The following ARID4A variants were observed in gnomAD, a reference collection of about 807,000 sequenced individuals.
ARID4A encodes the protein AT-rich interaction domain 4A.
ARID4A carries 39 observed loss-of-function variants against 148.6 expected under a neutral mutation model. That is an observed-to-expected ratio of 0.26 (90% confidence interval 0.20 to 0.34). ARID4A has a LOEUF of 0.34. Ranked by LOEUF, ARID4A falls within the 10% of genes least tolerant of loss-of-function variation. The pLI is 1.00. For missense variants in ARID4A, 1,265 were observed against 1,449.1 expected, an observed-to-expected ratio of 0.87 and a Z score of 2.06; for synonymous variants, 475 against 481.2, an observed-to-expected ratio of 0.99 and a Z score of 0.17.
chr14:58,339,006 T>C (rs1478276627), intron 11 of ARID4A, among the ~76,000 whole-genome samples: 3 of 137,200 alleles, frequency 2.2e-5, no homozygotes, highest in African/African-American at 8.3e-5. Context: ...TTACTCTGCC[T>C]CTCAGGCTGG....
chr14:58,320,488 C>A (rs999178033), intron 7 of ARID4A, among the ~76,000 whole-genome samples: 6 of 152,056 alleles, frequency 3.9e-5, no homozygotes, highest in African/African-American at 1.4e-4. Context: ...CCCCCAGTTC[C>A]CCTGATTACA....
At chr14:58,371,625 GT>G (rs1365813911) in intron 23 of ARID4A, among the ~76,000 whole-genome samples, 5 of 152,084 alleles carry the variant, frequency 3.3e-5, no homozygotes, top group Admixed American at 3.3e-4. Flanking sequence ...CCAACTAGAG[GT>G]TTAAGAGTTT....
Position 58,365,548 on chromosome 14 carries a change from G to A in ARID4A, c.3242G>A (p.Gly1081Glu). Residue 1081 changes from glycine (G) to glutamate (E), a missense_variant, in exon 21 of 24, where the codon GGA becomes GAA. Physicochemically the swap from Gly to Glu is moderately conservative, Grantham distance 98. This residue lies in a region of ARID4A where 666 missense variants were observed against 730.9 expected (regional missense o/e 0.91). Coordinates refer to ENST00000355431, the MANE Select transcript of ARID4A (RefSeq NM_002892.4). ...AAGAGGCCAAGTGATGGAAATAGTG[G>A]ATTAATGGCAAAAAAGCAAAAGCGT... The part of the protein sequence containing the change: ...GQKRPSDGNS[G>E]LMAKKQKRTP... 6.2e-7 allele frequency: 1 copy of A among 1,600,458 alleles called. No homozygotes were observed. Among genetic ancestry groups the A allele is most frequent in the Non-Finnish European group, 8.5e-7 (1 of 1,174,882 alleles).
intron 12 of ARID4A, among the ~76,000 whole-genome samples, chr14:58,345,087 G>A (rs576416349): frequency 4.0e-5 from 6 of 151,710 alleles, no homozygotes; most frequent in South Asian, 4.2e-4. Flanking sequence ...CCATATTGCC[G>A]AGGCTGGTCT....
In ARID4A at chr14:58,305,952, A is replaced by T. The variant is rs1019631010; in HGVS notation, c.184-70A>T. 3 of 1,051,140 alleles carry T rather than the reference A, an allele frequency of 2.9e-6. No homozygotes were observed. In the South Asian group the frequency reaches 3.8e-5, roughly 13 times the overall value. 65.1% of individuals were successfully genotyped at this position (1,051,140 alleles called of 1,614,324 possible). ...GGTGTTTATTTTTCTTAGCTAGATT[A>T]TATAGTTGGTGGGAGTGATTTGGTT... is the stretch of plus-strand genomic sequence containing the variant. On this transcript the variant is annotated intron_variant, in intron 4 of 23. Transcript: ENST00000355431.
At chr14:58,326,921 T>C (rs1160314923) in intron 8 of ARID4A, among the ~76,000 whole-genome samples, 1 of 152,194 alleles carries the variant, frequency 6.6e-6, no homozygotes, top group Non-Finnish European at 1.5e-5. Flanking sequence ...TATCTTTTTA[T>C]GTTTGCCCCT....
intron 13 of ARID4A, among the ~76,000 whole-genome samples, 185 bp from the exon 14 acceptor site, chr14:58,346,835 G>A (rs2034388097): frequency 6.8e-6 from 1 of 146,836 alleles, no homozygotes; most frequent in Non-Finnish European, 1.5e-5. Context: ...AGCTGAGGTG[G>A]GAGGATCACT....
rs75915529 is a variant in ARID4A at position 58,299,664 on chromosome 14, C to T, written c.-57-134C>T. 1.1e-3 allele frequency: 752 copies of T among 699,572 alleles called. 5 individuals carry two copies. The African/African-American group carries it at 0.011, about 10-fold the overall frequency. 43.3% of individuals were successfully genotyped at this position (699,572 alleles called of 1,614,324 possible). A position where few individuals can be genotyped will look rare whatever the true frequency, so the allele number is the denominator to read the frequency against. On this transcript the variant is annotated intron_variant, in intron 1 of 23. Coordinates refer to ENST00000355431, the MANE Select transcript of ARID4A (RefSeq NM_002892.4). Reference sequence around the variant, plus strand: ...CCCTCAGCTCCTGCGTCCTGGCTGCCCTCGTAAGGGGTCTTGTCCCTTGGC... The same window carrying T: ...CCCTCAGCTCCTGCGTCCTGGCTGCTCTCGTAAGGGGTCTTGTCCCTTGGC...
chr14:58,313,512 G>A (rs1377608040), intron 5 of ARID4A, among the ~76,000 whole-genome samples: 2 of 152,106 alleles, frequency 1.3e-5, no homozygotes, highest in African/African-American at 2.4e-5. Flanking sequence ...TGTCCGGTCC[G>A]GTTACCAACA....
intron 11 of ARID4A, among the ~76,000 whole-genome samples, chr14:58,332,944 A>G (rs2033615043): frequency 6.6e-6 from 1 of 152,132 alleles, no homozygotes; most frequent in Non-Finnish European, 1.5e-5. Flanking sequence ...CTGCAGTGTT[A>G]ATGGGCAGTG....
intron 11 of ARID4A, among the ~76,000 whole-genome samples, chr14:58,337,398 C>T (rs967297688): frequency 6.6e-6 from 1 of 151,356 alleles, no homozygotes; most frequent in Non-Finnish European, 1.5e-5. Flanking sequence ...CTTTTCCTAC[C>T]AGTATATATA....
intron 11 of ARID4A, among the ~76,000 whole-genome samples, chr14:58,333,736 A>T (rs547178734): frequency 6.6e-6 from 1 of 152,218 alleles, no homozygotes; most frequent in Admixed American, 6.5e-5. Flanking sequence ...ATTTGTGCAT[A>T]TTTATGCCTT....
intron 17 of ARID4A, among the ~76,000 whole-genome samples, chr14:58,356,698 G>GATTTTTTTTTTTTTTTTTTTTTT (rs2034881441): frequency 7.0e-6 from 1 of 143,234 alleles, no homozygotes; most frequent in Non-Finnish European, 1.5e-5. Flanking sequence ...TTTGAATTTT[G>GATTTTTTTTTTTTTTTTTTTTTT]ATTTTTTTTT....
In ARID4A at chr14:58,351,317, A is replaced by C. The variant is rs1281706380; in HGVS notation, c.1649A>C (p.Gln550Pro). 6.3e-7 allele frequency: 1 copy of C among 1,599,066 alleles called. No homozygotes were observed. The highest frequency in any genetic ancestry group is 1.1e-5 in the South Asian group (1 of 87,370). Residue 550 changes from glutamine (Q) to proline (P), a missense_variant, in exon 16 of 24, where the codon CAA (glutamine) becomes CCA (proline). Gln to Pro is a moderately conservative substitution (Grantham distance 76). Around this residue, in one of 9 missense-constraint regions of ARID4A, gnomAD observed 205 missense variants for 196.9 expected, o/e 1.04. Coordinates refer to ENST00000355431, the MANE Select transcript of ARID4A (RefSeq NM_002892.4). The stretch of plus-strand genomic sequence containing the variant: ...TCAGATGAAGAGGAAGAGAAAAGCC[A>C]AGAGAGGTACATTATCTTATGTTTG... ...KDSDEEEEKSQEREETESKCD... is the reference protein window; with the variant it reads ...KDSDEEEEKSPEREETESKCD...
At chr14:58,360,778 A>C in intron 18 of ARID4A, 123 bp from the exon 19 acceptor site, 1 of 989,262 alleles carries the variant, frequency 1.0e-6, no homozygotes, top group Non-Finnish European at 1.5e-6. Context: ...CTGTAAGCAC[A>C]GACTAGGAAG....
intron 5 of ARID4A, among the ~76,000 whole-genome samples, chr14:58,311,995 A>G (rs571963994): frequency 3.8e-4 from 58 of 152,248 alleles, no homozygotes; most frequent in South Asian, 8.3e-4. Context: ...GTTAGAAGGA[A>G]TAAGTTCAAG....
chr14:58,369,212 G>A (rs534943802), intron 23 of ARID4A, among the ~76,000 whole-genome samples: 1 of 152,142 alleles, frequency 6.6e-6, no homozygotes, highest in Non-Finnish European at 1.5e-5. Flanking sequence ...TGTCATCAAA[G>A]ATATTTTTAA....
At chr14:58,359,107 C>CTTTT (rs752553814) in intron 17 of ARID4A, 25 bp from the exon 18 acceptor site, 455 of 1,298,238 alleles carry the variant, frequency 3.5e-4, no homozygotes, top group South Asian at 1.2e-3. Flanking sequence ...TGTACAAACT[C>CTTTT]TTTTTTTTTT....
Position 58,304,980 on chromosome 14 carries a change from C to T in ARID4A, c.154C>T (p.Gln52Ter), listed in dbSNP as rs2031488493. Residue 52 changes from glutamine to a stop codon, truncating the protein, a stop_gained, in exon 4 of 24, where the codon CAA becomes TAA. Coordinates refer to ENST00000355431, the MANE Select transcript of ARID4A (RefSeq NM_002892.4). LOFTEE classifies it high-confidence loss of function. ...LKQDNTTQLV[Q>*]DDQVKGPLRV... ...ACAGGATAATACCACACAATTGGTACAAGATGACCAAGTAAAGGGTCCTTT... is the reference window on the plus strand; with the variant it reads ...ACAGGATAATACCACACAATTGGTATAAGATGACCAAGTAAAGGGTCCTTT... The T allele has an allele frequency of 1.2e-6, 2 of 1,606,816 alleles. No individual in the cohort carries two copies. Among genetic ancestry groups the T allele is most frequent in the Non-Finnish European group, 1.7e-6 (2 of 1,177,446 alleles).
Sources: allele counts gnomAD v4.1 joint callset (sites outside exome capture counted in the v4.1 genomes callset), GRCh38; gene constraint gnomAD v4.1.1; regional missense constraint gnomAD v4.1.1; transcripts MANE v1.5; gene names NCBI Gene and HGNC (gene_info 2026-07-23, HGNC 2026-07-21).